The following IL1RAPL1 variants were observed in gnomAD, a reference collection of about 807,000 sequenced individuals.
The protein encoded by IL1RAPL1 is interleukin 1 receptor accessory protein like 1, also known as interleukin-1 receptor accessory protein-like 1.
A neutral mutation model predicts 48.4 loss-of-function variants in IL1RAPL1; 3 were observed. The ratio of observed to expected loss-of-function variants is 0.06; its 90% CI spans 0.03 to 0.16. The LOEUF is 0.16. IL1RAPL1 is among the 10% of genes least tolerant of loss of function. The pLI, the probability that IL1RAPL1 is intolerant of heterozygous loss-of-function variation, is 1.00. For missense variants in IL1RAPL1, 349 were observed against 530.6 expected (o/e 0.66, Z 3.36); for synonymous variants, 185 against 187.7 (o/e 0.99, Z 0.12).
chrX:29,701,452 G>A (rs1023330752), intron 6 of IL1RAPL1, among the ~76,000 whole-genome samples: 4 of 111,919 alleles, frequency 3.6e-5, no homozygotes, highest in Non-Finnish European at 5.6e-5. Context: ...TGTGAAAATT[G>A]AAGTTTTGTC....
At chrX:28,609,365 TG>T (rs1934120150) in intron 1 of IL1RAPL1, among the ~76,000 whole-genome samples, 1 of 111,183 alleles carries the variant, frequency 9.0e-6, no homozygotes, top group Admixed American at 9.6e-5. Context: ...TCATTGGTGT[TG>T]TTTTTTGACC....
At chrX:29,201,859 A>T (rs761162850) in intron 2 of IL1RAPL1, among the ~76,000 whole-genome samples, 97 of 110,730 alleles carry the variant, frequency 8.8e-4, no homozygotes, top group African/African-American at 3.1e-3. Context: ...CGCCTGGCTA[A>T]TTTTTTTGTA....
intron 6 of IL1RAPL1, among the ~76,000 whole-genome samples, chrX:29,762,697 GA>G (rs1317442100): frequency 8.9e-6 from 1 of 112,138 alleles, no homozygotes. Flanking sequence ...TCTTCGCTAA[GA>G]AATGGAACCA....
chrX:29,332,000 CTAT>C (rs971812582), intron 3 of IL1RAPL1, among the ~76,000 whole-genome samples: 1 of 104,022 alleles, frequency 9.6e-6, no homozygotes, highest in East Asian at 3.2e-4. Flanking sequence ...AATAAGTTAA[CTAT>C]TATTATTACT....
At chrX:29,751,474 G>T (rs971909261) in intron 6 of IL1RAPL1, among the ~76,000 whole-genome samples, 1 of 111,823 alleles carries the variant, frequency 8.9e-6, no homozygotes, top group Non-Finnish European at 1.9e-5. Context: ...TTTTGGCTAA[G>T]ATCAAGTATA....
At chrX:28,965,673 G>A (rs996597606) in intron 2 of IL1RAPL1, among the ~76,000 whole-genome samples, 4 of 111,373 alleles carry the variant, frequency 3.6e-5, no homozygotes, top group South Asian at 3.7e-4. Flanking sequence ...ATGGGCCCAG[G>A]TTGCAATATC....
intron 3 of IL1RAPL1, among the ~76,000 whole-genome samples, chrX:29,323,601 T>C (rs1273198307): frequency 1.0e-5 from 1 of 99,198 alleles, no homozygotes. Flanking sequence ...ATCCTGCACA[T>C]CCTCTTGCTG....
intron 6 of IL1RAPL1, among the ~76,000 whole-genome samples, chrX:29,810,699 C>T (rs1215541323): frequency 9.0e-6 from 1 of 111,247 alleles, no homozygotes; most frequent in Non-Finnish European, 1.9e-5. Context: ...CTATATTTTC[C>T]TTCTCTTTGA....
At chrX:29,838,911 A>G (rs1569182956) in intron 6 of IL1RAPL1, among the ~76,000 whole-genome samples, 2 of 111,975 alleles carry the variant, frequency 1.8e-5, no homozygotes, top group Non-Finnish European at 3.8e-5. Context: ...TTGGGTAGGT[A>G]GGCTGATCTA....
chrX:29,562,120 ATCT>A (rs1569339393), intron 5 of IL1RAPL1, among the ~76,000 whole-genome samples: 31 of 21,589 alleles, frequency 1.4e-3, no homozygotes, highest in South Asian at 0.012. Context: ...TATCTAATCT[ATCT>A]ATCTATCTAT....
intron 6 of IL1RAPL1, among the ~76,000 whole-genome samples, chrX:29,711,043 GGTGT>G (rs768108356): frequency 9.0e-4 from 62 of 69,139 alleles, no homozygotes; most frequent in East Asian, 2.1e-3. Context: ...CCATGAGCAT[GGTGT>G]GTGTGTGTGT....
At chrX:29,031,697 T>C (rs1926622592) in intron 2 of IL1RAPL1, among the ~76,000 whole-genome samples, 1 of 111,790 alleles carries the variant, frequency 8.9e-6, no homozygotes, top group Non-Finnish European at 1.9e-5. Flanking sequence ...TATTGGTAAC[T>C]ATCTTGGTCA....
At chrX:28,593,143 A>G (rs757390282) in intron 1 of IL1RAPL1, among the ~76,000 whole-genome samples, 4 of 111,843 alleles carry the variant, frequency 3.6e-5, no homozygotes, top group Non-Finnish European at 7.5e-5. Context: ...TCCATTAAGT[A>G]TGCTTATCCT....
intron 2 of IL1RAPL1, among the ~76,000 whole-genome samples, chrX:28,920,309 A>G (rs1209147952): frequency 9.0e-6 from 1 of 111,538 alleles, no homozygotes; most frequent in African/African-American, 3.3e-5. Flanking sequence ...TGAATGTGTC[A>G]TTTGACCTAT....
intron 3 of IL1RAPL1, among the ~76,000 whole-genome samples, chrX:29,314,320 C>A (rs769364945): frequency 1.8e-5 from 2 of 111,871 alleles, no homozygotes; most frequent in Admixed American, 1.9e-4. Context: ...ATATAATAGA[C>A]AAGAATTGGT....
chrX:29,496,488 T>C (rs1235618873), intron 5 of IL1RAPL1, among the ~76,000 whole-genome samples: 1 of 101,199 alleles, frequency 9.9e-6, no homozygotes, highest in African/African-American at 3.8e-5. Flanking sequence ...TTTTTTTTTT[T>C]TGCCATGTGA....
At chrX:29,217,771 T>A (rs12845440) in intron 2 of IL1RAPL1, among the ~76,000 whole-genome samples, 18 of 74,954 alleles carry the variant, frequency 2.4e-4, no homozygotes, top group African/African-American at 1.3e-3. Context: ...TCTCTCTCTC[T>A]CTCTCTCACA....
chrX:29,127,526 A>T (rs1928922703), intron 2 of IL1RAPL1, among the ~76,000 whole-genome samples: 1 of 111,899 alleles, frequency 8.9e-6, no homozygotes, highest in African/African-American at 3.3e-5. Context: ...TTTGCACACC[A>T]ATCTCTGTGG....
intron 5 of IL1RAPL1, among the ~76,000 whole-genome samples, chrX:29,587,472 G>C (rs1923217941): frequency 9.0e-6 from 1 of 110,599 alleles, no homozygotes; most frequent in Non-Finnish European, 1.9e-5. Flanking sequence ...TGTATAACAT[G>C]GTGACTGTAG....
Sources: gnomAD v4.1 joint callset for allele counts (sites outside exome capture counted in the v4.1 genomes callset) on GRCh38, gnomAD v4.1.1 for gene constraint, MANE v1.5 for transcripts, NCBI Gene and HGNC (gene_info 2026-07-23, HGNC 2026-07-21) for gene names.